Variants in LRRC4C observed in about 807,000 individuals in gnomAD.
LRRC4C encodes the protein leucine rich repeat containing 4C.
LRRC4C carries 5 observed loss-of-function variants against 33.6 expected under a neutral mutation model. The ratio of observed to expected loss-of-function variants is 0.15; its 90% CI spans 0.08 to 0.31. LRRC4C has a LOEUF of 0.31. LRRC4C is among the 10% of genes least tolerant of loss of function. LRRC4C has a pLI of 1.00. For synonymous variants in LRRC4C, 329 were observed against 302.0 expected, an observed-to-expected ratio of 1.09 and a Z score of -0.93; for missense variants, 560 against 796.7, an observed-to-expected ratio of 0.70 and a Z score of 3.58.
intron 1 of LRRC4C, among the ~76,000 whole-genome samples, chr11:41,117,076 T>A (rs1224716159): frequency 6.6e-6 from 1 of 152,122 alleles, no homozygotes; most frequent in Admixed American, 6.5e-5. Context: ...GGCAGCCCAG[T>A]GTTAGCCTGC....
intron 5 of LRRC4C, among the ~76,000 whole-genome samples, chr11:40,210,435 G>A (rs915360977): frequency 7.2e-5 from 11 of 152,168 alleles, no homozygotes; most frequent in African/African-American, 2.4e-4. Flanking sequence ...ATATAGAGTA[G>A]GCAATTATTA....
At chr11:40,904,609 C>G (rs1341316694) in intron 2 of LRRC4C, among the ~76,000 whole-genome samples, 2 of 152,078 alleles carry the variant, frequency 1.3e-5, no homozygotes, top group Non-Finnish European at 2.9e-5. Context: ...TGGTGAGAAT[C>G]AGTAGACACA....
At chr11:40,457,769 T>C (rs7110662) in intron 3 of LRRC4C, among the ~76,000 whole-genome samples, 6,175 of 152,236 alleles carry the variant, frequency 0.041, 410 homozygotes, top group African/African-American at 0.14. Flanking sequence ...TTAACTAGTC[T>C]CCCTTCCTGA....
At chr11:40,350,307 T>C (rs540463313) in intron 3 of LRRC4C, among the ~76,000 whole-genome samples, 12 of 152,264 alleles carry the variant, frequency 7.9e-5, no homozygotes, top group African/African-American at 2.9e-4. Flanking sequence ...TTCTTCTGCA[T>C]ATGGATATTC....
chr11:40,281,654 T>C (rs1943482784), intron 4 of LRRC4C, among the ~76,000 whole-genome samples: 1 of 152,178 alleles, frequency 6.6e-6, no homozygotes, highest in African/African-American at 2.4e-5. Context: ...TCCATTGCCC[T>C]GAAATTAAAT....
intron 3 of LRRC4C, among the ~76,000 whole-genome samples, chr11:40,370,933 A>T (rs1254170955): frequency 6.6e-6 from 1 of 152,206 alleles, no homozygotes; most frequent in African/African-American, 2.4e-5. Flanking sequence ...TTGTAAGCTC[A>T]CTTCAGCAAA....
At chr11:41,328,340 A>G (rs796753687) in intron 1 of LRRC4C, among the ~76,000 whole-genome samples, 53 of 152,220 alleles carry the variant, frequency 3.5e-4, no homozygotes, top group African/African-American at 1.3e-3. Context: ...TTTGTGCCTC[A>G]CTGTCTAAAA....
chr11:40,415,243 C>T (rs1950284343), intron 3 of LRRC4C, among the ~76,000 whole-genome samples: 1 of 152,178 alleles, frequency 6.6e-6, no homozygotes, highest in African/African-American at 2.4e-5. Context: ...GCCAGATTCA[C>T]CAGTATAGAA....
intron 1 of LRRC4C, among the ~76,000 whole-genome samples, chr11:41,230,583 C>T (rs1306112350): frequency 6.6e-6 from 1 of 152,030 alleles, no homozygotes; most frequent in Non-Finnish European, 1.5e-5. Context: ...GACATCCATG[C>T]CACTAATCAG....
At chr11:41,414,930 A>T (rs7951356) in intron 1 of LRRC4C, among the ~76,000 whole-genome samples, 11,967 of 152,138 alleles carry the variant, frequency 0.079, 1,547 homozygotes, top group African/African-American at 0.27. Flanking sequence ...CTGCTTGGGG[A>T]ACTAAAATAA....
intron 4 of LRRC4C, among the ~76,000 whole-genome samples, chr11:40,280,467 T>A (rs770830044): frequency 2.0e-5 from 3 of 152,234 alleles, no homozygotes; most frequent in Non-Finnish European, 4.4e-5. Flanking sequence ...GGCTCAGGTC[T>A]GCGACACGGT....
At position 40,400,082 on chromosome 11, in the gene LRRC4C, A is replaced by G. The variant is rs187854250; in HGVS notation, c.-269-80361T>C. ...GCATGTCTCCATCTTCACAGAGAAT[A>G]GAACAATACCTTGACTTCCTCAATA... On this transcript the variant is annotated intron_variant, in intron 3 of 6. Transcript: ENST00000528697. Among the ~76,000 whole-genome samples, 7 of 152,268 alleles carry G rather than the reference A, an allele frequency of 4.6e-5. No homozygotes were observed. The East Asian group carries it at 1.4e-3, about 29-fold the overall frequency.
At chr11:40,915,236 A>G (rs1396389252) in intron 2 of LRRC4C, among the ~76,000 whole-genome samples, 1 of 152,186 alleles carries the variant, frequency 6.6e-6, no homozygotes, top group Non-Finnish European at 1.5e-5. Context: ...CCATATTGCC[A>G]AGTCAATCCT....
intron 5 of LRRC4C, among the ~76,000 whole-genome samples, chr11:40,178,741 G>T (rs962942720): frequency 6.6e-6 from 1 of 152,188 alleles, no homozygotes; most frequent in African/African-American, 2.4e-5. Flanking sequence ...CAGGCAGGCC[G>T]TATATTCCTC....
At position 40,210,343 on chromosome 11, in the gene LRRC4C, A is replaced by C. The variant is rs192602974; in HGVS notation, c.-96+31176T>G. Among the ~76,000 whole-genome samples, 12 of 152,302 alleles carry C rather than the reference A, an allele frequency of 7.9e-5. No homozygotes were observed. The East Asian group carries it at 2.3e-3, about 29-fold the overall frequency. On this transcript the variant is annotated intron_variant, in intron 5 of 6. Transcript: ENST00000528697. ...TATAAGCTTTCTGGGCTTGTCTCAA[A>C]TCTATAGAAAGTAAAAACCTTGAGC...
At chr11:40,245,593 C>T (rs919227285) in intron 4 of LRRC4C, among the ~76,000 whole-genome samples, 11 of 152,038 alleles carry the variant, frequency 7.2e-5, no homozygotes, top group Non-Finnish European at 1.2e-4. Context: ...GTTTTCTAGT[C>T]TGTATTATTC....
chr11:40,944,308 AT>A (rs1958292541), intron 1 of LRRC4C, among the ~76,000 whole-genome samples: 1 of 152,190 alleles, frequency 6.6e-6, no homozygotes, highest in Non-Finnish European at 1.5e-5. Context: ...TTTTATCCTT[AT>A]CTATCAATTG....
intron 1 of LRRC4C, among the ~76,000 whole-genome samples, chr11:40,966,454 G>A (rs1851372839): frequency 1.3e-5 from 2 of 151,892 alleles, no homozygotes; most frequent in African/African-American, 4.8e-5. Context: ...TATATGACAG[G>A]AGAAGGCTTC....
chr11:40,926,657 A>G (rs905939548), intron 2 of LRRC4C, among the ~76,000 whole-genome samples: 1 of 151,910 alleles, frequency 6.6e-6, no homozygotes, highest in African/African-American at 2.4e-5. Context: ...TTAACCATGT[A>G]AATTTGGTTA....
Sources: allele counts gnomAD v4.1 joint callset (sites outside exome capture counted in the v4.1 genomes callset), GRCh38; gene constraint gnomAD v4.1.1; transcripts MANE v1.5; gene names NCBI Gene and HGNC (gene_info 2026-07-23, HGNC 2026-07-21).